PTGIS: variants seen among roughly 807,000 people sequenced by gnomAD.
PTGIS encodes the protein prostacyclin synthase.
A neutral mutation model predicts 50.3 loss-of-function variants in PTGIS; 45 were observed. That is an observed-to-expected ratio of 0.90 (90% CI 0.70 to 1.15). The LOEUF (loss-of-function observed/expected upper bound fraction) is 1.15. Among genes scored for constraint, PTGIS ranks in the 50% most tolerant of loss-of-function variants. The probability of loss-of-function intolerance (pLI) is 0.00; values close to 1 mark genes in which losing one functional copy is unlikely to be tolerated. For missense variants in PTGIS, 668 were observed against 661.3 expected (o/e 1.01, Z -0.11); for synonymous variants, 260 against 267.7 (o/e 0.97, Z 0.28).
intron 6 of PTGIS, among the ~76,000 whole-genome samples, chr20:49,515,074 G>T (rs1290933155): frequency 6.6e-6 from 1 of 152,192 alleles, no homozygotes; most frequent in African/African-American, 2.4e-5. Flanking sequence ...CTGATGAGTT[G>T]TTATGGATGT....
chr20:49,521,173 T>C (rs1340123244), intron 6 of PTGIS, among the ~76,000 whole-genome samples: 3 of 152,224 alleles, frequency 2.0e-5, no homozygotes, highest in South Asian at 2.1e-4. Flanking sequence ...CCTCCTTTCA[T>C]CTTCACAACC....
intron 1 of PTGIS, among the ~76,000 whole-genome samples, chr20:49,557,427 C>T (rs952912054): frequency 6.6e-6 from 1 of 151,670 alleles, no homozygotes; most frequent in Non-Finnish European, 1.5e-5. Flanking sequence ...CCCGTCTCTA[C>T]TAAAAATTAA....
At chr20:49,554,706 A>G (rs1199947121) in intron 1 of PTGIS, among the ~76,000 whole-genome samples, 1 of 152,222 alleles carries the variant, frequency 6.6e-6, no homozygotes, top group Admixed American at 6.5e-5. Flanking sequence ...GAGTTTCTCT[A>G]TTAATTAAAC....
At chr20:49,519,971 C>T (rs1213685294) in intron 6 of PTGIS, among the ~76,000 whole-genome samples, 1 of 145,492 alleles carries the variant, frequency 6.9e-6, no homozygotes, top group Non-Finnish European at 1.5e-5. Context: ...TCCCCACCCC[C>T]TACAGTCTCT....
rs150027974 is a variant in PTGIS, at chr20:49,517,551, G to A, written c.856-3156C>T. Among the ~76,000 whole-genome samples, 9 of 152,230 alleles carry A rather than the reference G, an allele frequency of 5.9e-5. No homozygotes were observed. In the East Asian group the frequency reaches 9.7e-4, roughly 16 times the overall value. On this transcript the variant is annotated intron_variant, in intron 6 of 9. Transcript: ENST00000244043. ...CTTTCACCCACGGAGCCTTGCCTCC[G>A]TTTACTCAGGAAGACACTTCTTGTT...
At chr20:49,565,088 A>G (rs1385886029) in intron 1 of PTGIS, among the ~76,000 whole-genome samples, 1 of 149,842 alleles carries the variant, frequency 6.7e-6, no homozygotes, top group East Asian at 2.0e-4. Context: ...CTCCTGCCTC[A>G]GTCTCCTGAG....
intron 1 of PTGIS, among the ~76,000 whole-genome samples, chr20:49,558,153 C>T (rs998887805): frequency 1.3e-5 from 2 of 152,142 alleles, no homozygotes; most frequent in Non-Finnish European, 2.9e-5. Flanking sequence ...CTCTGGGAGG[C>T]CAAAGTGGGA....
Position 49,511,079 on chromosome 20 carries a change from G to GC in PTGIS, c.1306dup (p.Ala436GlyfsTer40), listed in dbSNP as rs778385193. ...CCTCCCCAGGCAGTGATTGTGCCCC[G>GC]CCCCCCAGGGCATGTTGTAATTCTT... On this transcript the variant is annotated frameshift_variant, in exon 9 of 10. Transcript: ENST00000244043. LOFTEE classifies it high-confidence loss of function. 3.1e-6 allele frequency: 5 copies of GC among 1,613,978 alleles called. No homozygotes were observed. The highest frequency in any genetic ancestry group is 4.5e-5 in the East Asian group (2 of 44,886).
intron 2 of PTGIS, among the ~76,000 whole-genome samples, chr20:49,549,685 A>G (rs1393922716): frequency 1.3e-5 from 2 of 152,188 alleles, no homozygotes; most frequent in Non-Finnish European, 2.9e-5. Flanking sequence ...CTGAGTAGAT[A>G]TAAGGATGGA....
chr20:49,513,207 T>A lies in PTGIS; in HGVS notation c.1079A>T (p.Glu360Val). ...GGGCATGGCCAGGTCCACCACAACC[T>A]CGCGGGTGATGAAGGGGGCAGCTGT... ...RLTAAPFITR[E>V]VVVDLAMPMA... Residue 360 changes from glutamate (E) to valine (V), a missense_variant, in exon 8 of 10, where the codon GAG (glutamate) becomes GTG (valine). Physicochemically the swap from Glu to Val is moderately radical, Grantham distance 121. Transcript: ENST00000244043. The A allele has an allele frequency of 6.2e-7, 1 of 1,613,990 alleles. No individual in the cohort carries two copies. The highest frequency in any genetic ancestry group is 8.5e-7 in the Non-Finnish European group (1 of 1,180,024).
intron 6 of PTGIS, among the ~76,000 whole-genome samples, chr20:49,520,187 C>T (rs496962): frequency 0.15 from 22,855 of 152,224 alleles, 1,922 homozygotes; most frequent in South Asian, 0.21. Context: ...GCACTTGCTG[C>T]TCCCTGCCTG....
chr20:49,513,367 G>A, intron 7 of PTGIS, 106 bp from the exon 8 acceptor site: 3 of 1,310,388 alleles, frequency 2.3e-6, no homozygotes, highest in East Asian at 2.5e-5. Context: ...GCTCAGAGAG[G>A]GTGCCTGCCT....
chr20:49,510,961 G>A, intron 9 of PTGIS, 67 bp downstream of exon 9: 4 of 1,503,932 alleles, frequency 2.7e-6, no homozygotes, highest in Non-Finnish European at 3.7e-6. Flanking sequence ...TCAGTCCCAG[G>A]AGAGAAGGGC....
At chr20:49,518,433 T>C (rs989124308) in intron 6 of PTGIS, among the ~76,000 whole-genome samples, 2 of 152,144 alleles carry the variant, frequency 1.3e-5, no homozygotes, top group African/African-American at 4.8e-5. Flanking sequence ...GTGGATTGGC[T>C]CCTGGAAGAG....
rs755427243 is a variant in PTGIS, at chr20:49,511,146, C to A, written c.1240G>T (p.Gly414Ter). The change falls in exon 9 of 10, where the codon GGA (glycine) becomes TGA (stop). Residue 414 changes from glycine to a stop codon, truncating the protein, a stop_gained. Transcript: ENST00000244043. LOFTEE classifies it high-confidence loss of function. ...TTGTAAAAGTCTTTCTTCTCTGATC[C>A]GTCAGGGTTCAGGAATCGGTTGTAT... ...FKYNRFLNPD[G>*]SEKKDFYKDG... is the part of the protein sequence containing the mutation. 1 of 1,614,072 alleles carries A rather than the reference C, an allele frequency of 6.2e-7. No individual in the cohort carries two copies. The highest frequency in any genetic ancestry group is 8.5e-7 in the Non-Finnish European group (1 of 1,180,054).
intron 5 of PTGIS, among the ~76,000 whole-genome samples, chr20:49,524,441 C>T (rs908473317): frequency 6.6e-6 from 1 of 152,026 alleles, no homozygotes; most frequent in Non-Finnish European, 1.5e-5. Context: ...TCTGTCTTAC[C>T]CCCAGTAAAA....
At chr20:49,561,288 G>A (rs1982767690) in intron 1 of PTGIS, among the ~76,000 whole-genome samples, 2 of 152,214 alleles carry the variant, frequency 1.3e-5, no homozygotes, top group Non-Finnish European at 2.9e-5. Flanking sequence ...GGCTGGGAAG[G>A]ATGGGAGCAG....
Position 49,568,137 on chromosome 20 carries a change from C to G in PTGIS, c.-21G>C. 1 of 1,207,556 alleles carries G rather than the reference C, an allele frequency of 8.3e-7. No homozygotes were observed. Among genetic ancestry groups the G allele is most frequent in the Non-Finnish European group, 1.1e-6 (1 of 939,544 alleles). The allele number at this position is 1,207,556 out of a possible 1,614,324, so 74.8% of individuals were successfully genotyped here. A position where few individuals can be genotyped will look rare whatever the true frequency, so the allele number is the denominator to read the frequency against. On this transcript the variant is annotated 5_prime_UTR_variant, in exon 1 of 10. Coordinates refer to ENST00000244043, the MANE Select transcript of PTGIS (RefSeq NM_000961.4). The stretch of plus-strand genomic sequence containing the variant: ...GCCATCGCGGGGCTGGCGGGGCTGG[C>G]GGGGCTGGCGGGGCTGGCGGCCTGG...
At chr20:49,521,318 C>T (rs1981646017) in intron 6 of PTGIS, among the ~76,000 whole-genome samples, 1 of 152,104 alleles carries the variant, frequency 6.6e-6, no homozygotes, top group South Asian at 2.1e-4. Flanking sequence ...AGAGCCTGTG[C>T]CAGAAACTCC....
Sources: gnomAD v4.1 joint callset for allele counts (sites outside exome capture counted in the v4.1 genomes callset) on GRCh38, gnomAD v4.1.1 for gene constraint, MANE v1.5 for transcripts, NCBI Gene and HGNC (gene_info 2026-07-23, HGNC 2026-07-21) for gene names.